Variants in ZSCAN22 observed in about 807,000 individuals in gnomAD.
The protein encoded by ZSCAN22 is zinc finger and SCAN domain containing 22, also known as zinc finger and SCAN domain-containing protein 22.
A neutral mutation model predicts 12.4 loss-of-function variants in ZSCAN22; 7 were observed. The observed-to-expected ratio is 0.57, with a 90% CI of 0.32 to 1.06. ZSCAN22 has a LOEUF of 1.06. ZSCAN22 is among the 50% of genes least tolerant of loss of function. The probability of loss-of-function intolerance (pLI) is 0.04; values close to 1 mark genes in which losing one functional copy is unlikely to be tolerated. For synonymous variants in ZSCAN22, 243 were observed against 255.9 expected (o/e 0.95, Z 0.48); for missense variants, 576 against 631.7 (o/e 0.91, Z 0.94).
chr19:58,339,373 C>T lies in ZSCAN22; in HGVS notation c.*47C>T, dbSNP rs369945926. On this transcript the variant is annotated 3_prime_UTR_variant, in exon 3 of 3. Coordinates refer to ENST00000329665, the MANE Select transcript of ZSCAN22 (RefSeq NM_181846.3). The surrounding 1 kb of genome is among the most constrained non-coding windows in gnomAD (Gnocchi z 5.6). ...GTAGCACAGCGTCTTCTCGGAGGCT[C>T]GAGGTCTAAGAGAAACGCTGAGTTC... The T allele has an allele frequency of 1.4e-5, 21 of 1,508,752 alleles. No homozygotes were observed. The highest frequency in any genetic ancestry group is 1.1e-4 in the African/African-American group (8 of 71,680). The allele number at this position is 1,508,752 out of a possible 1,614,324, so 93.5% of individuals were successfully genotyped here.
intron 1 of ZSCAN22, among the ~76,000 whole-genome samples, chr19:58,333,609 C>T (rs556041209): frequency 2.0e-5 from 3 of 152,308 alleles, no homozygotes; most frequent in African/African-American, 4.8e-5. Context: ...TCTGTGGGGC[C>T]GAGGCAGGCA....
rs904525973 is a variant in ZSCAN22 at position 58,329,002 on chromosome 19, C to T, written c.-52+1888C>T. Among the ~76,000 whole-genome samples the T allele has an allele frequency of 1.9e-4, 29 of 152,244 alleles. No homozygotes were observed. The highest frequency in any genetic ancestry group is 1.1e-3 in the Admixed American group (17 of 15,290). ...GGGCACTCTGGGAAGAGGACTTAGA[C>T]TAGTACCAGGTATCTGGGATGACAC... is the stretch of plus-strand genomic sequence containing the variant. On this transcript the variant is annotated intron_variant, in intron 1 of 2. Coordinates refer to ENST00000329665, the MANE Select transcript of ZSCAN22 (RefSeq NM_181846.3). This position sits in a 1 kb window ranked among gnomAD's most constrained non-coding sequence, Gnocchi z 4.1.
chr19:58,335,239 C>G lies in ZSCAN22; in HGVS notation c.403+34C>G. Reference sequence around the variant, plus strand: ...GCGCCGTGGGCAGCTTCACGGCACACCAGAGATACACCCTGGACAGGAACA... The same window carrying G: ...GCGCCGTGGGCAGCTTCACGGCACAGCAGAGATACACCCTGGACAGGAACA... On this transcript the variant is annotated intron_variant, in intron 2 of 2. Transcript: ENST00000329665. This position sits in a 1 kb window ranked among gnomAD's most constrained non-coding sequence, Gnocchi z 4.1. The G allele has an allele frequency of 1.3e-6, 2 of 1,514,692 alleles. No individual in the cohort carries two copies. The highest frequency in any genetic ancestry group is 1.8e-6 in the Non-Finnish European group (2 of 1,129,590). The allele number at this position is 1,514,692 out of a possible 1,614,324, so 93.8% of individuals were successfully genotyped here. A position where few individuals can be genotyped will look rare whatever the true frequency, so the allele number is the denominator to read the frequency against.
intron 1 of ZSCAN22, among the ~76,000 whole-genome samples, chr19:58,332,565 G>A (rs1005204848): frequency 7.9e-5 from 12 of 152,086 alleles, no homozygotes; most frequent in South Asian, 6.2e-4. Flanking sequence ...GTGAGCCACC[G>A]TGCCCTGCCG....
Position 58,335,021 on chromosome 19 carries a change from G to A in ZSCAN22, c.219G>A (p.Leu73=). Residue 73 remains leucine (L), a synonymous_variant, in exon 2 of 3, where the codon CTG becomes CTA. Coordinates refer to ENST00000329665, the MANE Select transcript of ZSCAN22 (RefSeq NM_181846.3). This position sits in a 1 kb window ranked among gnomAD's most constrained non-coding sequence, Gnocchi z 4.1. ...AGGCCCTGGCCCACCTCCGAGCGCT[G>A]TGCTGTCAGTGGCTGCAGCCCGAGG... The part of the protein sequence containing the change: ...PHEALAHLRA[L]CCQWLQPEAH... 6.2e-7 allele frequency: 1 copy of A among 1,614,140 alleles called. No individual in the cohort carries two copies. The highest frequency in any genetic ancestry group is 1.7e-5 in the Admixed American group (1 of 60,030).
At chr19:58,334,588 C>G (rs1315205703) in intron 1 of ZSCAN22, 164 bp from the exon 2 acceptor site, 3 of 554,192 alleles carry the variant, frequency 5.4e-6, no homozygotes, top group Non-Finnish European at 9.5e-6. Context: ...TAGCTTAGAA[C>G]AGTGCTCAGC....
chr19:58,330,249 C>T (rs1403138861), intron 1 of ZSCAN22, among the ~76,000 whole-genome samples: 1 of 152,132 alleles, frequency 6.6e-6, no homozygotes, highest in Admixed American at 6.5e-5. Context: ...AAGATTGCGC[C>T]ACTGCACTCC....
Position 58,329,718 on chromosome 19 carries a change from G to C in ZSCAN22, c.-52+2604G>C, listed in dbSNP as rs2051700178. Among the ~76,000 whole-genome samples the C allele has an allele frequency of 6.6e-6, 1 of 152,126 alleles. No individual in the cohort carries two copies. The highest frequency in any genetic ancestry group is 2.4e-5 in the African/African-American group (1 of 41,416). On this transcript the variant is annotated intron_variant, in intron 1 of 2. Coordinates refer to ENST00000329665, the MANE Select transcript of ZSCAN22 (RefSeq NM_181846.3). This position sits in a 1 kb window ranked among gnomAD's most constrained non-coding sequence, Gnocchi z 4.1. ...TAATTGTTCTATTTTATTAGTCATTGTTGTTAATTTCTTACTATGCCTAAC... is the reference window on the plus strand; with the variant it reads ...TAATTGTTCTATTTTATTAGTCATTCTTGTTAATTTCTTACTATGCCTAAC...
At chr19:58,334,538 T>TAGA in intron 1 of ZSCAN22, 8 of 358,884 alleles carry the variant, frequency 2.2e-5, no homozygotes, top group Admixed American at 4.3e-5. Context: ...CAGGATGGTG[T>TAGA]TTGTTGTAAG....
intron 1 of ZSCAN22, among the ~76,000 whole-genome samples, chr19:58,327,509 A>G (rs2051668202): frequency 6.6e-6 from 1 of 151,888 alleles, no homozygotes; most frequent in South Asian, 2.1e-4. Context: ...GCGGACAGAT[A>G]ACAGATAAAA....
At position 58,339,178 on chromosome 19, in the gene ZSCAN22, A is replaced by G. The variant is rs978664509; in HGVS notation, c.1328A>G (p.Lys443Arg). The G allele has an allele frequency of 1.2e-6, 2 of 1,614,148 alleles. No homozygotes were observed. Among genetic ancestry groups the G allele is most frequent in the Admixed American group, 1.7e-5 (1 of 60,018 alleles). Residue 443 changes from lysine to arginine, a missense_variant, in exon 3 of 3, where the codon AAG (lysine) becomes AGG (arginine). By Grantham distance (26) the Lys-to-Arg change is conservative (BLOSUM62 2). Coordinates refer to ENST00000329665, the MANE Select transcript of ZSCAN22 (RefSeq NM_181846.3). The surrounding 1 kb of genome is among the most constrained non-coding windows in gnomAD (Gnocchi z 5.6). ...CCATATCAGTGTAAGGTTTGTCCGA[A>G]GGCCTTTGCACAGAGCTCCTCCCTC... ...EKPYQCKVCP[K>R]AFAQSSSLIE...
intron 2 of ZSCAN22, among the ~76,000 whole-genome samples, chr19:58,336,023 C>T (rs2051792905): frequency 6.6e-6 from 1 of 152,172 alleles, no homozygotes; most frequent in African/African-American, 2.4e-5. Flanking sequence ...GGTGGGCATA[C>T]CACACACTGG....
intron 1 of ZSCAN22, among the ~76,000 whole-genome samples, chr19:58,334,171 G>T (rs2051761011): frequency 6.6e-6 from 1 of 152,214 alleles, no homozygotes; most frequent in East Asian, 1.9e-4. Flanking sequence ...GCTGGCTGTA[G>T]GTTTGCGTGG....
chr19:58,339,217 G>T lies in ZSCAN22; in HGVS notation c.1367G>T (p.Arg456Met). ...AQSSSLIEHQ[R>M]IHTGEKPYKC... ...AGCTCCTCCCTCATTGAGCACCAGA[G>T]GATCCACACGGGAGAGAAGCCTTAT... Residue 456 changes from arginine to methionine, a missense_variant, in exon 3 of 3, where the codon AGG becomes ATG. Transcript: ENST00000329665. The surrounding 1 kb of genome is among the most constrained non-coding windows in gnomAD (Gnocchi z 5.6). 6.2e-7 allele frequency: 1 copy of T among 1,613,464 alleles called. No individual in the cohort carries two copies. Among genetic ancestry groups the T allele is most frequent in the Non-Finnish European group, 8.5e-7 (1 of 1,179,850 alleles).
At chr19:58,333,262 C>G (rs142517416) in intron 1 of ZSCAN22, among the ~76,000 whole-genome samples, 19 of 152,330 alleles carry the variant, frequency 1.2e-4, no homozygotes, top group African/African-American at 4.6e-4. Context: ...CTTCAAATCA[C>G]AAAAGCTTTT....
chr19:58,339,016 T>G lies in ZSCAN22; in HGVS notation c.1166T>G (p.Phe389Cys). ...GAGTGTGACGCGTGTGGGAAAGCCTTCAGCCAGAGCACGCACCTGACTCAA... is the reference window on the plus strand; with the variant it reads ...GAGTGTGACGCGTGTGGGAAAGCCTGCAGCCAGAGCACGCACCTGACTCAA... ...PYECDACGKA[F>C]SQSTHLTQHQ... Residue 389 changes from phenylalanine to cysteine, a missense_variant, in exon 3 of 3, where the codon TTC becomes TGC. Transcript: ENST00000329665. This position sits in a 1 kb window ranked among gnomAD's most constrained non-coding sequence, Gnocchi z 5.6. 6.2e-7 allele frequency: 1 copy of G among 1,613,816 alleles called. No individual in the cohort carries two copies.
In ZSCAN22 at chr19:58,335,277, G is replaced by T; in HGVS notation, c.403+72G>T. 6.9e-7 allele frequency: 1 copy of T among 1,455,176 alleles called. No homozygotes were observed. Among genetic ancestry groups the T allele is most frequent in the Non-Finnish European group, 9.1e-7 (1 of 1,102,048 alleles). 90.1% of individuals were successfully genotyped at this position (1,455,176 alleles called of 1,614,324 possible). A position where few individuals can be genotyped will look rare whatever the true frequency, so the allele number is the denominator to read the frequency against. Reference sequence around the variant, plus strand: ...CTGGACAGGAACATGGGAGCACAGGGCTCTGGTTTGGGGTTGCTCATGCAC... The same window carrying T: ...CTGGACAGGAACATGGGAGCACAGGTCTCTGGTTTGGGGTTGCTCATGCAC... On this transcript the variant is annotated intron_variant, in intron 2 of 2. Coordinates refer to ENST00000329665, the MANE Select transcript of ZSCAN22 (RefSeq NM_181846.3). This position sits in a 1 kb window ranked among gnomAD's most constrained non-coding sequence, Gnocchi z 4.1.
rs2051866327 is a variant in ZSCAN22 at position 58,340,832 on chromosome 19, T to C, written c.*1506T>C. 3 of 152,146 alleles carry C rather than the reference T, an allele frequency of 2.0e-5. No individual in the cohort carries two copies. The highest frequency in any genetic ancestry group is 4.1e-4 in the South Asian group (2 of 4,820). 9.4% of individuals were successfully genotyped at this position (152,146 alleles called of 1,614,324 possible). On this transcript the variant is annotated 3_prime_UTR_variant, in exon 3 of 3. Coordinates refer to ENST00000329665, the MANE Select transcript of ZSCAN22 (RefSeq NM_181846.3). ...CAAATGTTGCCCAAAGAAACCTCCC[T>C]GCTCTCCGGGAGCAGACTTCAGCTT...
chr19:58,334,583 T>A (rs1429287810), intron 1 of ZSCAN22, 169 bp from the exon 2 acceptor site: 3 of 544,464 alleles, frequency 5.5e-6, no homozygotes, highest in Non-Finnish European at 9.7e-6. Flanking sequence ...AGTAGTAGCT[T>A]AGAACAGTGC....
Sources: gnomAD v4.1 joint callset for allele counts (sites outside exome capture counted in the v4.1 genomes callset) on GRCh38, gnomAD v4.1.1 for gene constraint, Gnocchi (gnomAD v3.1) non-coding constraint, MANE v1.5 for transcripts, NCBI Gene and HGNC (gene_info 2026-07-23, HGNC 2026-07-21) for gene names.